JMJD8: variants seen among roughly 807,000 people sequenced by gnomAD.
The protein encoded by JMJD8 is jmjC domain-containing protein 8.
Under a neutral mutation model 37.6 loss-of-function variants are expected in JMJD8, and 56 were observed. The observed-to-expected ratio is 1.49, with a 90% CI of 1.20 to 1.86. The LOEUF is 1.86. Among genes scored for constraint, JMJD8 ranks in the 40% most tolerant of loss-of-function variants. The pLI, the probability that JMJD8 is intolerant of heterozygous loss-of-function variation, is 0.00. For synonymous variants in JMJD8, 261 were observed against 163.7 expected (o/e 1.59, Z -4.54); for missense variants, 542 against 362.7 (o/e 1.49, Z -4.01).
Position 683,192 on chromosome 16 carries a change from T to C in JMJD8, c.554A>G (p.Tyr185Cys). 3.7e-6 allele frequency: 6 copies of C among 1,613,126 alleles called. No homozygotes were observed. Among genetic ancestry groups the C allele is most frequent in the Non-Finnish European group, 5.1e-6 (6 of 1,179,852 alleles). Residue 185 changes from tyrosine (Y) to cysteine (C), a missense_variant, in exon 7 of 9, where the codon TAC becomes TGC. Tyr to Cys is a radical substitution (Grantham distance 194). Coordinates refer to ENST00000609261, the MANE Select transcript of JMJD8 (RefSeq NM_001005920.4). Reference protein sequence around the residue: ...GVPFHWHGPGYSEVIYGRKRW... With the variant: ...GVPFHWHGPGCSEVIYGRKRW... The stretch of plus-strand genomic sequence containing the variant: ...CTTACGACCGTAGATCACTTCTGAG[T>C]ACCCGGGTCCATGCCAGTGGAAGGG...
In JMJD8 at chr16:682,151, C is replaced by T. The variant is rs1359257061; in HGVS notation, c.*643G>A. On this transcript the variant is annotated 3_prime_UTR_variant, in exon 9 of 9. Coordinates refer to ENST00000609261, the MANE Select transcript of JMJD8 (RefSeq NM_001005920.4). ...CCCCTTTTCAGCCTCTGACCGTGTG[C>T]CCCTGTGCCACAGAAGCGAGACATC... is the stretch of plus-strand genomic sequence containing the variant. 5.0e-6 allele frequency: 8 copies of T among 1,599,856 alleles called. No homozygotes were observed. Among genetic ancestry groups the T allele is most frequent in the African/African-American group, 1.3e-5 (1 of 74,716 alleles).
intron 6 of JMJD8, 32 bp downstream of exon 6, chr16:683,290 C>T (rs1398338522): frequency 1.2e-6 from 2 of 1,611,128 alleles, no homozygotes; most frequent in Admixed American, 1.7e-5. Context: ...CGACAGAAGC[C>T]TCAGTCCTTC....
Position 681,819 on chromosome 16 carries a change from AC to A in JMJD8, c.*974del. 6.2e-7 allele frequency: 1 copy of A among 1,606,914 alleles called. No individual in the cohort carries two copies. Among genetic ancestry groups the A allele is most frequent in the Non-Finnish European group, 8.5e-7 (1 of 1,175,478 alleles). ...GAGCTGGAAGAGTGCCAGCGAAACC[AC>A]GAGGGTGATGAGGACGACAGCCACG... On this transcript the variant is annotated 3_prime_UTR_variant, in exon 9 of 9. Transcript: ENST00000609261.
In JMJD8 at chr16:681,755, C is replaced by A; in HGVS notation, c.*1039G>T. The A allele has an allele frequency of 6.4e-7, 1 of 1,567,536 alleles. No homozygotes were observed. Among genetic ancestry groups the A allele is most frequent in the South Asian group, 1.2e-5 (1 of 85,332 alleles). On this transcript the variant is annotated 3_prime_UTR_variant, in exon 9 of 9. Coordinates refer to ENST00000609261, the MANE Select transcript of JMJD8 (RefSeq NM_001005920.4). ...GATTGGGGTGTGGTCAGACATCTGG[C>A]CAGGTCCATCTCTGACCGGCTCCTG...
Position 682,127 on chromosome 16 carries a change from C to T in JMJD8, c.*667G>A, listed in dbSNP as rs1341831369. ...TGGCTGGCAGGTGCTCGTGCAGTGC[C>T]CCTTTTCAGCCTCTGACCGTGTGCC... On this transcript the variant is annotated 3_prime_UTR_variant, in exon 9 of 9. Transcript: ENST00000609261. 5.7e-6 allele frequency: 9 copies of T among 1,588,968 alleles called. No individual in the cohort carries two copies. The highest frequency in any genetic ancestry group is 1.3e-5 in the African/African-American group (1 of 74,556).
In JMJD8 at chr16:683,159, G is replaced by A. The variant is rs558841574; in HGVS notation, c.579+8C>T. The A allele has an allele frequency of 2.0e-5, 33 of 1,613,360 alleles. No homozygotes were observed. Among genetic ancestry groups the A allele is most frequent in the African/African-American group, 2.0e-4 (15 of 75,000 alleles). On this transcript the variant is annotated splice_region_variant and intron_variant, in intron 7 of 8. Transcript: ENST00000609261. ...AGTCCCAAGCCTCAACCCCCACCCC[G>A]TGCTGACCTTACGACCGTAGATCAC...
Position 683,674 on chromosome 16 carries a change from A to C in JMJD8, c.322+11T>G, listed in dbSNP as rs772511961. The C allele has an allele frequency of 2.7e-5, 43 of 1,594,616 alleles. No individual in the cohort carries two copies. Among genetic ancestry groups the C allele is most frequent in the Non-Finnish European group, 3.7e-5 (43 of 1,171,540 alleles). ...GGCAAATGGGCGGGCCCCAGGGGTG[A>C]GGCCGCGTACCTTTGTGGTAGGAGT... On this transcript the variant is annotated intron_variant, in intron 4 of 8. Transcript: ENST00000609261.
rs943779589 is a variant in JMJD8 at position 683,004 on chromosome 16, T to G, written c.663A>C (p.Pro221=). ...TTLAWLRDTY[P]ALPPSARPLE... is the part of the protein sequence containing the mutation. ...GGGGCCGTGCAGACGGTGGCAGGGCTGGGTATGTGTCCCGGAGCCAGGCCA... is the reference window on the plus strand; with the variant it reads ...GGGGCCGTGCAGACGGTGGCAGGGCGGGGTATGTGTCCCGGAGCCAGGCCA... The change falls in exon 8 of 9, where the codon CCA becomes CCC. Residue 221 remains proline, a synonymous_variant. Transcript: ENST00000609261. 2 of 1,613,430 alleles carry G rather than the reference T, an allele frequency of 1.2e-6. No homozygotes were observed. Among genetic ancestry groups the G allele is most frequent in the Non-Finnish European group, 1.7e-6 (2 of 1,179,870 alleles).
At chr16:683,973 G>A (rs1233453371) in intron 2 of JMJD8, 64 bp from the exon 3 acceptor site, 3 of 1,555,342 alleles carry the variant, frequency 1.9e-6, no homozygotes, top group African/African-American at 2.7e-5. Context: ...AGCCCCACGC[G>A]TGCGCGCGAG....
chr16:683,292 C>T (rs45540637), intron 6 of JMJD8, 30 bp downstream of exon 6: 3 of 1,609,310 alleles, frequency 1.9e-6, no homozygotes, highest in Admixed American at 1.7e-5. Flanking sequence ...ACAGAAGCCT[C>T]AGTCCTTCCC....
chr16:684,008 G>A (rs975953053), intron 2 of JMJD8, 58 bp downstream of exon 2: 3 of 1,561,252 alleles, frequency 1.9e-6, no homozygotes, highest in Non-Finnish European at 2.6e-6. Context: ...GCCTTGGGCG[G>A]TCGGGGCAGA....
rs1789714230 is a variant in JMJD8 at position 682,369 on chromosome 16, G to A, written c.*425C>T. On this transcript the variant is annotated 3_prime_UTR_variant, in exon 9 of 9. Transcript: ENST00000609261. ...TGCCCTTCTTGTCACTGCAGCGTGT[G>A]GGTCATTTTGACCCCGTGACCCGGA... is the stretch of plus-strand genomic sequence containing the variant. 1 of 1,613,040 alleles carries A rather than the reference G, an allele frequency of 6.2e-7. No individual in the cohort carries two copies. The highest frequency in any genetic ancestry group is 1.7e-5 in the Admixed American group (1 of 59,998).
rs901591449 is a variant in JMJD8, at chr16:681,690, G to T, written c.*1104C>A. ...CAAGCGTTTATCGAAGGCTTTACTGGCAAGCAGGAAATGTGGGGAAGTGTG... is the reference window on the plus strand; with the variant it reads ...CAAGCGTTTATCGAAGGCTTTACTGTCAAGCAGGAAATGTGGGGAAGTGTG... On this transcript the variant is annotated 3_prime_UTR_variant, in exon 9 of 9. Coordinates refer to ENST00000609261, the MANE Select transcript of JMJD8 (RefSeq NM_001005920.4). 14 of 1,556,600 alleles carry T rather than the reference G, an allele frequency of 9.0e-6. No individual in the cohort carries two copies. The Admixed American group carries it at 1.8e-4, about 20-fold the overall frequency.
At position 683,727 on chromosome 16, in the gene JMJD8, C is replaced by G; in HGVS notation, c.280G>C (p.Val94Leu). Residue 94 changes from valine to leucine, a missense_variant, in exon 4 of 9, where the codon GTG becomes CTG. Val to Leu is a conservative substitution (Grantham distance 32). Coordinates refer to ENST00000609261, the MANE Select transcript of JMJD8 (RefSeq NM_001005920.4). ...GTGTTGGCGGTGCTCAGCCGGACCA[C>G]TCTGTCCCCAAACGAAGCCAGCAAC... is the stretch of plus-strand genomic sequence containing the variant. ...DRLLASFGDR[V>L]VRLSTANTYS... 2.5e-6 allele frequency: 4 copies of G among 1,609,550 alleles called. No homozygotes were observed. Among genetic ancestry groups the G allele is most frequent in the Non-Finnish European group, 3.4e-6 (4 of 1,178,554 alleles).
chr16:684,033 G>C (rs767610442), intron 2 of JMJD8, 33 bp downstream of exon 2: 1 of 1,573,804 alleles, frequency 6.4e-7, no homozygotes. Context: ...CCGGTGAACA[G>C]GACGCGACCT....
In JMJD8 at chr16:683,461, G is replaced by T; in HGVS notation, c.392-20C>A. 2 of 1,550,220 alleles carry T rather than the reference G, an allele frequency of 1.3e-6. No individual in the cohort carries two copies. The highest frequency in any genetic ancestry group is 1.7e-6 in the Non-Finnish European group (2 of 1,146,882). On this transcript the variant is annotated intron_variant, in intron 5 of 8. Coordinates refer to ENST00000609261, the MANE Select transcript of JMJD8 (RefSeq NM_001005920.4). Reference sequence around the variant, plus strand: ...GGGTGTCTGCCAACAGAGACGGCGGGGACAGGGATCCTGGCACCTGGAGAC... The same window carrying T: ...GGGTGTCTGCCAACAGAGACGGCGGTGACAGGGATCCTGGCACCTGGAGAC...
rs767665372 is a variant in JMJD8, at chr16:683,923, C to G, written c.177-14G>C. The G allele has an allele frequency of 2.2e-5, 34 of 1,571,382 alleles. No individual in the cohort carries two copies. The highest frequency in any genetic ancestry group is 2.9e-5 in the Non-Finnish European group (34 of 1,162,306). On this transcript the variant is annotated splice_polypyrimidine_tract_variant and intron_variant, in intron 2 of 8. Transcript: ENST00000609261. ...ACGAAGGCGTACCTGGAAAGAAGGG[C>G]AGAGTCGCGGCCAGGCCGGACCGCC...
At position 682,712 on chromosome 16, in the gene JMJD8, C is replaced by A. The variant is rs538535547; in HGVS notation, c.*82G>T. 41 of 1,517,326 alleles carry A rather than the reference C, an allele frequency of 2.7e-5. No individual in the cohort carries two copies. The East Asian group carries it at 8.1e-4, about 30-fold the overall frequency. 94.0% of individuals were successfully genotyped at this position (1,517,326 alleles called of 1,614,324 possible). ...GGGTGGGCTGGGCTGAGGCCATTGC[C>A]GCCACTATCTGTGTAATAAAATCCG... On this transcript the variant is annotated 3_prime_UTR_variant, in exon 9 of 9. Coordinates refer to ENST00000609261, the MANE Select transcript of JMJD8 (RefSeq NM_001005920.4).
In JMJD8 at chr16:682,736, C is replaced by T. The variant is rs1272612093; in HGVS notation, c.*58G>A. The T allele has an allele frequency of 8.2e-6, 13 of 1,580,522 alleles. No individual in the cohort carries two copies. The highest frequency in any genetic ancestry group is 2.7e-5 in the African/African-American group (2 of 74,346). ...CCGCCACTATCTGTGTAATAAAATC[C>T]GTGAGCACGAGGTGGGACGTGCTGG... is the stretch of plus-strand genomic sequence containing the variant. On this transcript the variant is annotated 3_prime_UTR_variant, in exon 9 of 9. Transcript: ENST00000609261.
Sources: allele counts gnomAD v4.1 joint callset, GRCh38; gene constraint gnomAD v4.1.1; transcripts MANE v1.5; gene names NCBI Gene and HGNC (gene_info 2026-07-23, HGNC 2026-07-21).